Variants in ITGA5 observed in about 807,000 individuals in gnomAD.
ITGA5 encodes integrin subunit alpha 5, also known as integrin alpha-5.
A neutral mutation model predicts 146.3 loss-of-function variants in ITGA5; 55 were observed. The ratio of observed to expected loss-of-function variants is 0.38; its 90% CI spans 0.30 to 0.47. ITGA5 has a LOEUF of 0.47. Among genes scored for constraint, ITGA5 ranks in the 20% least tolerant of loss-of-function variants. The pLI, the probability that ITGA5 is intolerant of heterozygous loss-of-function variation, is 0.99. For missense variants in ITGA5, 1,131 were observed against 1,329.0 expected, an observed-to-expected ratio of 0.85 and a Z score of 2.32; for synonymous variants, 500 against 531.8, an observed-to-expected ratio of 0.94 and a Z score of 0.82.
chr12:54,402,063 C>T lies in ITGA5; in HGVS notation c.2164G>A (p.Ala722Thr), dbSNP rs1420936429. ...ACCAGCAGGCGGCTCTGGTTCACGGCAAAGTAGTCACAGCTCAGGCTGGAG... is the reference window on the plus strand; with the variant it reads ...ACCAGCAGGCGGCTCTGGTTCACGGTAAAGTAGTCACAGCTCAGGCTGGAG... The part of the protein sequence containing the change: ...NFSSLSCDYF[A>T]VNQSRLLVCD... Residue 722 changes from alanine (A) to threonine (T), a missense_variant, in exon 21 of 30, where the codon GCC becomes ACC. This residue lies in a region of ITGA5 where 889 missense variants were observed against 1,021.5 expected (regional missense o/e 0.87). Coordinates refer to ENST00000293379, the MANE Select transcript of ITGA5 (RefSeq NM_002205.5). The T allele has an allele frequency of 6.2e-7, 1 of 1,614,150 alleles. No homozygotes were observed. The highest frequency in any genetic ancestry group is 8.5e-7 in the Non-Finnish European group (1 of 1,180,026).
rs1955823451 is a variant in ITGA5, at chr12:54,403,849, C to A, written c.1621+62G>T. The A allele has an allele frequency of 6.2e-7, 1 of 1,610,040 alleles. No individual in the cohort carries two copies. The highest frequency in any genetic ancestry group is 1.7e-5 in the Admixed American group (1 of 59,964). On this transcript the variant is annotated intron_variant, in intron 16 of 29. Transcript: ENST00000293379. This position sits in a 1 kb window ranked among gnomAD's most constrained non-coding sequence, Gnocchi z 4.9. Reference sequence around the variant, plus strand: ...TCTTTTCAGAGAGAAGAAATGTCCCCAGGTCCCCAGTCCCTTCATTCTCTG... The same window carrying A: ...TCTTTTCAGAGAGAAGAAATGTCCCAAGGTCCCCAGTCCCTTCATTCTCTG...
Position 54,403,536 on chromosome 12 carries a change from T to A in ITGA5, c.1776+89A>T. The A allele has an allele frequency of 7.0e-7, 1 of 1,429,574 alleles. No homozygotes were observed. Among genetic ancestry groups the A allele is most frequent in the South Asian group, 1.3e-5 (1 of 74,714 alleles). The allele number at this position is 1,429,574 out of a possible 1,614,324, so 88.6% of individuals were successfully genotyped here. On this transcript the variant is annotated intron_variant, in intron 17 of 29. Coordinates refer to ENST00000293379, the MANE Select transcript of ITGA5 (RefSeq NM_002205.5). This position sits in a 1 kb window ranked among gnomAD's most constrained non-coding sequence, Gnocchi z 4.9. ...AAGAGTCCCAAGCCCTTCACTGGAG[T>A]CCCCCAGTCTTTTTCCCTTCAGGAG...
chr12:54,412,462 G>T, intron 1 of ITGA5: 1 of 153,182 alleles, frequency 6.5e-6, no homozygotes, highest in South Asian at 2.0e-4. Context: ...GCCTTGGGGC[G>T]TGTAGGAGGA....
In ITGA5 at chr12:54,419,200, G is replaced by A. The variant is rs1244519143; in HGVS notation, c.-2C>T. 1 of 1,555,278 alleles carries A rather than the reference G, an allele frequency of 6.4e-7. No individual in the cohort carries two copies. On this transcript the variant is annotated 5_prime_UTR_variant, in exon 1 of 30. Transcript: ENST00000293379. ...GGACTCTGGCGTCCGGCTCCCCATA[G>A]CGCCCGCTCTTCCCTGTCCTGGGGC...
intron 1 of ITGA5, among the ~76,000 whole-genome samples, chr12:54,417,187 T>G (rs752496574): frequency 8.6e-5 from 13 of 151,810 alleles, no homozygotes; most frequent in Non-Finnish European, 1.8e-4. Context: ...GACTACAGGA[T>G]CAGGCCAGGG....
intron 28 of ITGA5, among the ~76,000 whole-genome samples, chr12:54,398,021 C>G (rs1955734643): frequency 1.3e-5 from 2 of 152,032 alleles, no homozygotes; most frequent in Admixed American, 6.6e-5. Flanking sequence ...CCTCAGCCTC[C>G]CGAGTAGCTG....
At chr12:54,399,806 C>T in intron 26 of ITGA5, 48 bp from the exon 27 acceptor site, 1 of 1,604,302 alleles carries the variant, frequency 6.2e-7, no homozygotes, top group African/African-American at 1.3e-5. Context: ...TGTGATGGCC[C>T]TGAGAACCCC....
chr12:54,417,395 T>C (rs1956019916), intron 1 of ITGA5, among the ~76,000 whole-genome samples: 1 of 148,878 alleles, frequency 6.7e-6, no homozygotes, highest in Non-Finnish European at 1.5e-5. Context: ...GATAAGAAGT[T>C]TGAGGGAACC....
intron 29 of ITGA5, 51 bp downstream of exon 29, chr12:54,397,314 G>A: frequency 6.2e-7 from 1 of 1,609,296 alleles, no homozygotes; most frequent in Non-Finnish European, 8.5e-7. Flanking sequence ...GCCAGGTCAA[G>A]GGCAGAGCCT....
intron 1 of ITGA5, among the ~76,000 whole-genome samples, chr12:54,417,126 G>T (rs966033000): frequency 6.6e-6 from 1 of 152,132 alleles, no homozygotes; most frequent in African/African-American, 2.4e-5. Context: ...AGCAGAAGGG[G>T]AGGGGGAAGG....
At chr12:54,405,426 C>A in intron 11 of ITGA5, 52 bp from the exon 12 acceptor site, 1 of 1,409,416 alleles carries the variant, frequency 7.1e-7, no homozygotes. Context: ...TGCCACCCCA[C>A]CCCAATCCTA....
At chr12:54,406,489 C>G (rs559678004) in intron 9 of ITGA5, among the ~76,000 whole-genome samples, 1 of 152,306 alleles carries the variant, frequency 6.6e-6, no homozygotes, top group East Asian at 1.9e-4. Context: ...GTCCCTGCCT[C>G]CAGCTCTCCC....
At chr12:54,418,883 C>T in intron 1 of ITGA5, 98 bp downstream of exon 1, 1 of 1,401,740 alleles carries the variant, frequency 7.1e-7, no homozygotes, top group Non-Finnish European at 9.7e-7. Flanking sequence ...AAACTCCACC[C>T]TCAAACTTAA....
At chr12:54,414,881 G>T (rs898534986) in intron 1 of ITGA5, among the ~76,000 whole-genome samples, 2 of 151,920 alleles carry the variant, frequency 1.3e-5, no homozygotes, top group Non-Finnish European at 2.9e-5. Flanking sequence ...AGGCGTGGTG[G>T]CTCACGCTTG....
chr12:54,402,034 A>G lies in ITGA5; in HGVS notation c.2193T>C (p.Cys731=). The G allele has an allele frequency of 6.2e-7, 1 of 1,614,170 alleles. No individual in the cohort carries two copies. The highest frequency in any genetic ancestry group is 8.5e-7 in the Non-Finnish European group (1 of 1,180,024). ...FAVNQSRLLV[C]DLGNPMKAGA... ...CTGCCTTCATGGGGTTGCCCAGGTCACACACCAGCAGGCGGCTCTGGTTCA... is the reference window on the plus strand; with the variant it reads ...CTGCCTTCATGGGGTTGCCCAGGTCGCACACCAGCAGGCGGCTCTGGTTCA... The change falls in exon 21 of 30, where the codon TGT becomes TGC. Residue 731 remains cysteine, a synonymous_variant. Transcript: ENST00000293379.
At chr12:54,412,189 G>A (rs1324176469) in intron 1 of ITGA5, 4 of 440,534 alleles carry the variant, frequency 9.1e-6, no homozygotes, top group Non-Finnish European at 1.2e-5. Flanking sequence ...CCCTCCTCCC[G>A]CCATTCTCTG....
intron 13 of ITGA5, 48 bp from the exon 14 acceptor site, chr12:54,404,523 A>T (rs1163182665): frequency 1.9e-6 from 3 of 1,607,038 alleles, no homozygotes; most frequent in South Asian, 1.1e-5. Flanking sequence ...CCAGATCAGG[A>T]TCCTTTCTTC....
intron 6 of ITGA5, among the ~76,000 whole-genome samples, chr12:54,408,518 G>C (rs774888646): frequency 2.6e-5 from 4 of 151,966 alleles, no homozygotes; most frequent in Non-Finnish European, 4.4e-5. Flanking sequence ...ACGAGGTCAG[G>C]AGTCCAAGAC....
In ITGA5 at chr12:54,403,536, T is replaced by C. The variant is rs1421076833; in HGVS notation, c.1776+89A>G. ...AAGAGTCCCAAGCCCTTCACTGGAG[T>C]CCCCCAGTCTTTTTCCCTTCAGGAG... On this transcript the variant is annotated intron_variant, in intron 17 of 29. Coordinates refer to ENST00000293379, the MANE Select transcript of ITGA5 (RefSeq NM_002205.5). The surrounding 1 kb of genome is among the most constrained non-coding windows in gnomAD (Gnocchi z 4.9). 2.8e-6 allele frequency: 4 copies of C among 1,429,456 alleles called. No individual in the cohort carries two copies. In the African/African-American group the frequency reaches 5.7e-5, roughly 20 times the overall value. The allele number at this position is 1,429,456 out of a possible 1,614,324, so 88.5% of individuals were successfully genotyped here.
Sources: allele counts gnomAD v4.1 joint callset (sites outside exome capture counted in the v4.1 genomes callset), GRCh38; gene constraint gnomAD v4.1.1; regional missense constraint gnomAD v4.1.1; non-coding constraint Gnocchi (gnomAD v3.1); transcripts MANE v1.5; gene names NCBI Gene and HGNC (gene_info 2026-07-23, HGNC 2026-07-21).